ASTN2: variants seen among roughly 807,000 people sequenced by gnomAD.
The protein encoded by ASTN2 is astrotactin 2.
ASTN2 carries 54 observed loss-of-function variants against 139.8 expected under a neutral mutation model. The observed-to-expected ratio is 0.39, with a 90% confidence interval of 0.31 to 0.48. ASTN2 has a LOEUF of 0.48. Ranked by LOEUF, ASTN2 falls within the 20% of genes least tolerant of loss-of-function variation. ASTN2 has a pLI of 0.95. For missense variants in ASTN2, 1,565 were observed against 1,725.1 expected, an observed-to-expected ratio of 0.91 and a Z score of 1.64; for synonymous variants, 756 against 719.5, an observed-to-expected ratio of 1.05 and a Z score of -0.81.
At chr9:117,372,968 A>C (rs1227933575) in intron 1 of ASTN2, among the ~76,000 whole-genome samples, 6 of 152,148 alleles carry the variant, frequency 3.9e-5, no homozygotes, top group African/African-American at 1.4e-4. Context: ...ATGTCTGGTA[A>C]GTCACTGAAC....
At chr9:117,071,056 G>C (rs545579122) in intron 5 of ASTN2, among the ~76,000 whole-genome samples, 46 of 149,118 alleles carry the variant, frequency 3.1e-4, no homozygotes, top group African/African-American at 1.0e-3. Context: ...CTGGTGAGGA[G>C]CTGCGTTCCT....
At chr9:117,339,729 T>C (rs1829004636) in intron 1 of ASTN2, among the ~76,000 whole-genome samples, 1 of 151,908 alleles carries the variant, frequency 6.6e-6, no homozygotes, top group South Asian at 2.1e-4. Context: ...AGTAAATAGA[T>C]TACCCAAATG....
chr9:116,733,377 G>A (rs2132126796), intron 14 of ASTN2, 22 bp downstream of exon 14: 1 of 1,611,552 alleles, frequency 6.2e-7, no homozygotes, highest in Non-Finnish European at 8.5e-7. Flanking sequence ...AACCTGGGAA[G>A]GGTCTGGCAC....
At chr9:116,843,670 A>G (rs995795073) in intron 11 of ASTN2, among the ~76,000 whole-genome samples, 5 of 152,158 alleles carry the variant, frequency 3.3e-5, no homozygotes, top group African/African-American at 1.2e-4. Context: ...AAAAAAAAAA[A>G]AAAAAAGTGG....
intron 3 of ASTN2, among the ~76,000 whole-genome samples, chr9:117,155,020 A>G (rs969217807): frequency 1.3e-5 from 2 of 151,964 alleles, no homozygotes; most frequent in Non-Finnish European, 2.9e-5. Context: ...ACTCTGAAAT[A>G]CAGGAAGAGG....
intron 2 of ASTN2, among the ~76,000 whole-genome samples, chr9:117,261,390 T>A (rs1298512672): frequency 1.3e-5 from 2 of 152,152 alleles, no homozygotes; most frequent in African/African-American, 4.8e-5. Context: ...AGGCAGCAGA[T>A]CTGTTCAATC....
chr9:117,002,552 C>T (rs1238526691), intron 7 of ASTN2, among the ~76,000 whole-genome samples: 6 of 152,062 alleles, frequency 3.9e-5, no homozygotes, highest in African/African-American at 7.2e-5. Flanking sequence ...CAGTTGTTGG[C>T]GACCCAGTTT....
At chr9:117,000,804 AT>A (rs1837171244) in intron 7 of ASTN2, among the ~76,000 whole-genome samples, 1 of 152,194 alleles carries the variant, frequency 6.6e-6, no homozygotes. Flanking sequence ...TCTGAAAAAA[AT>A]AAACTCTGAT....
intron 2 of ASTN2, among the ~76,000 whole-genome samples, chr9:117,230,658 C>T (rs903231043): frequency 6.6e-6 from 1 of 152,104 alleles, no homozygotes; most frequent in African/African-American, 2.4e-5. Flanking sequence ...GTCACTGAAG[C>T]AACCCATAGT....
intron 10 of ASTN2, among the ~76,000 whole-genome samples, chr9:116,940,656 A>G (rs1352993934): frequency 6.6e-6 from 1 of 152,248 alleles, no homozygotes; most frequent in Non-Finnish European, 1.5e-5. Flanking sequence ...AAAGAAATAA[A>G]ACATAAAGTT....
At chr9:117,064,071 T>C (rs895363493) in intron 5 of ASTN2, among the ~76,000 whole-genome samples, 5 of 152,058 alleles carry the variant, frequency 3.3e-5, no homozygotes, top group African/African-American at 1.2e-4. Flanking sequence ...ATTATCTCCC[T>C]TTATGTTCTG....
At chr9:117,167,271 C>CT (rs11397207) in intron 3 of ASTN2, among the ~76,000 whole-genome samples, 25,360 of 151,768 alleles carry the variant, frequency 0.17, 2,227 homozygotes, top group Non-Finnish European at 0.19. Flanking sequence ...ACACCAAAAC[C>CT]TTTTTTTTCA....
chr9:116,503,745 G>C (rs1165289936), intron 19 of ASTN2, among the ~76,000 whole-genome samples: 2 of 152,084 alleles, frequency 1.3e-5, no homozygotes, highest in Admixed American at 1.3e-4. Flanking sequence ...GAGTGTGTTC[G>C]TGTGGTGTAA....
intron 11 of ASTN2, among the ~76,000 whole-genome samples, chr9:116,835,891 A>G (rs1831974947): frequency 6.6e-6 from 1 of 152,106 alleles, no homozygotes; most frequent in African/African-American, 2.4e-5. Context: ...GGCTTAAGCA[A>G]TCCTCTAGCC....
At chr9:116,930,689 G>C (rs10817961) in intron 10 of ASTN2, among the ~76,000 whole-genome samples, 1 of 151,976 alleles carries the variant, frequency 6.6e-6, no homozygotes, top group African/African-American at 2.4e-5. Context: ...GAAGGGCAGG[G>C]AAGGGAGAAA....
rs116763496 is a variant in ASTN2, at chr9:116,720,473, C to T, written c.2806+5298G>A. 4.1e-3 allele frequency among the ~76,000 whole-genome samples: 630 copies of T among 152,238 alleles called. 6 individuals carry two copies. The highest frequency in any genetic ancestry group is 0.014 in the African/African-American group (595 of 41,534). On this transcript the variant is annotated intron_variant, in intron 16 of 22. Coordinates refer to ENST00000313400, the MANE Select transcript of ASTN2 (RefSeq NM_001365068.1). The stretch of plus-strand genomic sequence containing the variant: ...TAGCATTCTTTCACTTCTAGCCTCT[C>T]TTTATCTCGCCATTTCTCTTTGTGG...
At chr9:116,834,446 A>AT (rs1238647953) in intron 11 of ASTN2, among the ~76,000 whole-genome samples, 23 of 152,254 alleles carry the variant, frequency 1.5e-4, no homozygotes, top group Non-Finnish European at 2.4e-4. Flanking sequence ...GTTCTGTTAG[A>AT]TTTTACCTCA....
chr9:116,624,098 G>T (rs1187998377), intron 17 of ASTN2, among the ~76,000 whole-genome samples: 1 of 151,982 alleles, frequency 6.6e-6, no homozygotes, highest in Non-Finnish European at 1.5e-5. Flanking sequence ...ACTTGTAAAC[G>T]CTTCCAACTT....
chr9:117,136,243 G>A (rs189467548), intron 4 of ASTN2, among the ~76,000 whole-genome samples: 1 of 152,118 alleles, frequency 6.6e-6, no homozygotes, highest in Non-Finnish European at 1.5e-5. Flanking sequence ...CTTTGAAGAT[G>A]GTAGCATTCT....
Sources: gnomAD v4.1 joint callset for allele counts (sites outside exome capture counted in the v4.1 genomes callset) on GRCh38, gnomAD v4.1.1 for gene constraint, MANE v1.5 for transcripts, NCBI Gene and HGNC (gene_info 2026-07-23, HGNC 2026-07-21) for gene names.